GLI2: variants seen among roughly 807,000 people sequenced by gnomAD.
The protein encoded by GLI2 is transcription activator GLI2.
In GLI2, 22 loss-of-function variants were observed where a neutral mutation model predicts 78.9. The ratio of observed to expected loss-of-function variants is 0.28; its 90% CI spans 0.20 to 0.40. The LOEUF (loss-of-function observed/expected upper bound fraction) is 0.40. GLI2 is among the 10% of genes least tolerant of loss of function. GLI2 has a pLI of 1.00. For synonymous variants in GLI2, 974 were observed against 963.7 expected (o/e 1.01, Z -0.20); for missense variants, 2,097 against 2,213.2 (o/e 0.95, Z 1.05).
At chr2:120,937,880 T>C (rs543392592) in intron 3 of GLI2, among the ~76,000 whole-genome samples, 1 of 152,272 alleles carries the variant, frequency 6.6e-6, no homozygotes, top group African/African-American at 2.4e-5. Flanking sequence ...GGAGTTTCTA[T>C]CCAGCCCGCC....
At chr2:120,901,816 T>C (rs764165791) in intron 2 of GLI2, among the ~76,000 whole-genome samples, 15 of 152,298 alleles carry the variant, frequency 9.8e-5, no homozygotes, top group Non-Finnish European at 2.1e-4. Context: ...CTGGAGTAGA[T>C]TAAGGAGGTG....
rs568556294 is a variant in GLI2, at chr2:120,948,440, G to A, written c.255-2803G>A. 2.6e-5 allele frequency among the ~76,000 whole-genome samples: 4 copies of A among 152,246 alleles called. No individual in the cohort carries two copies. The South Asian group carries it at 8.3e-4, about 32-fold the overall frequency. On this transcript the variant is annotated intron_variant, in intron 3 of 13. Transcript: ENST00000361492. ...TGCTTGCGGTGGGAAGGGGGAGGTGGAGTCTACCTTCCCCAAATGGTGGCA... is the reference window on the plus strand; with the variant it reads ...TGCTTGCGGTGGGAAGGGGGAGGTGAAGTCTACCTTCCCCAAATGGTGGCA...
chr2:120,773,927 TTCCTTCCC>T lies in GLI2; in HGVS notation c.-30-23360_-30-23353del, dbSNP rs1443232529. Among the ~76,000 whole-genome samples the T allele has an allele frequency of 3.9e-4, 43 of 109,842 alleles. 1 individual carries two copies. In the South Asian group the frequency reaches 6.0e-3, roughly 15 times the overall value. The allele number at this position is 109,842 out of a possible 152,430, so 72.1% of individuals were successfully genotyped here. On this transcript the variant is annotated intron_variant, in intron 1 of 13. Transcript: ENST00000361492. ...CCTCCTTCCTTCCTTCCTTCCTTCCTTCCTTCCCTCCCTCCCTCCCTCCCTCCTTCCCT... is the reference window on the plus strand; with the variant it reads ...CCTCCTTCCTTCCTTCCTTCCTTCCTTCCCTCCCTCCCTCCCTCCTTCCCT...
chr2:120,818,885 C>T (rs959385475), intron 2 of GLI2, among the ~76,000 whole-genome samples: 2 of 152,210 alleles, frequency 1.3e-5, no homozygotes, highest in Non-Finnish European at 2.9e-5. Flanking sequence ...CCTCCCCCAC[C>T]TTATGCTGAT....
At chr2:120,893,506 C>G (rs1677781984) in intron 2 of GLI2, among the ~76,000 whole-genome samples, 1 of 152,034 alleles carries the variant, frequency 6.6e-6, no homozygotes, top group African/African-American at 2.4e-5. Flanking sequence ...GCTCAGTTCC[C>G]CTATAGAAAA....
rs200274772 is a variant in GLI2, at chr2:120,990,304, G to A, written c.4339G>A (p.Gly1447Arg). The A allele has an allele frequency of 9.4e-5, 151 of 1,613,560 alleles. No homozygotes were observed. Among genetic ancestry groups the A allele is most frequent in the Non-Finnish European group, 1.2e-4 (138 of 1,180,020 alleles). The change falls in exon 14 of 14, where the codon GGG becomes AGG. Residue 1447 changes from glycine (G) to arginine (R), a missense_variant. Around this residue, in one of 5 missense-constraint regions of GLI2, gnomAD observed 1,290 missense variants for 1,261.7 expected, o/e 1.02. Transcript: ENST00000361492. ...ACAGGATGGAGGCCTGGAGAACCTC[G>A]GGAGCTGCCAGGTCATGCGGTCCCA... is the stretch of plus-strand genomic sequence containing the variant. The part of the protein sequence containing the change: ...YEQDGGLENL[G>R]SCQVMRSQPP...
At chr2:120,873,853 G>T (rs62150744) in intron 2 of GLI2, among the ~76,000 whole-genome samples, 169 of 152,264 alleles carry the variant, frequency 1.1e-3, no homozygotes, top group African/African-American at 3.0e-3. Flanking sequence ...TGCAGAGTTC[G>T]TAACGACAGA....
intron 1 of GLI2, among the ~76,000 whole-genome samples, chr2:120,757,443 C>T (rs1448911275): frequency 5.3e-5 from 8 of 152,228 alleles, no homozygotes; most frequent in Non-Finnish European, 1.0e-4. Flanking sequence ...TAAAATCCTT[C>T]AGAGTTCTCT....
chr2:120,840,818 C>T (rs1686833820), intron 2 of GLI2, among the ~76,000 whole-genome samples: 1 of 152,092 alleles, frequency 6.6e-6, no homozygotes, highest in East Asian at 1.9e-4. Flanking sequence ...GTCTCGGATC[C>T]CCCTTCTTGT....
Position 120,879,275 on chromosome 2 carries a change from T to C in GLI2, c.149-48086T>C, listed in dbSNP as rs913937064. 7.9e-5 allele frequency among the ~76,000 whole-genome samples: 12 copies of C among 152,294 alleles called. No homozygotes were observed. The South Asian group carries it at 2.1e-3, about 26-fold the overall frequency. The stretch of plus-strand genomic sequence containing the variant: ...GACAATGGGTGAGATGAAAAAGGGC[T>C]TGGTACTAGTGGAGGCACTTAGTGG... On this transcript the variant is annotated intron_variant, in intron 2 of 13. Transcript: ENST00000361492.
intron 2 of GLI2, among the ~76,000 whole-genome samples, chr2:120,845,357 T>C (rs577565625): frequency 1.3e-5 from 2 of 152,282 alleles, no homozygotes; most frequent in East Asian, 3.9e-4. Context: ...ATGACATGTC[T>C]TGTGGTTGTT....
At chr2:120,947,625 C>A (rs1454087850) in intron 3 of GLI2, among the ~76,000 whole-genome samples, 1 of 152,126 alleles carries the variant, frequency 6.6e-6, no homozygotes, top group African/African-American at 2.4e-5. Context: ...TGGCTTGTTG[C>A]TGAGGAGAGA....
At chr2:120,771,226 G>T (rs1290749314) in intron 1 of GLI2, among the ~76,000 whole-genome samples, 2 of 152,232 alleles carry the variant, frequency 1.3e-5, no homozygotes, top group Non-Finnish European at 2.9e-5. Context: ...GCTCAGGCAG[G>T]ACCCTTCCCT....
chr2:120,947,172 CT>C (rs1343925460), intron 3 of GLI2, among the ~76,000 whole-genome samples: 2 of 152,188 alleles, frequency 1.3e-5, no homozygotes, highest in Non-Finnish European at 2.9e-5. Flanking sequence ...CTGAGCCCTG[CT>C]TACCACCAAC....
At chr2:120,967,229 G>A (rs1003954161) in intron 5 of GLI2, among the ~76,000 whole-genome samples, 5 of 152,244 alleles carry the variant, frequency 3.3e-5, no homozygotes, top group African/African-American at 1.2e-4. Context: ...CTCCATGCAG[G>A]TGTCCAGAAA....
intron 8 of GLI2, among the ~76,000 whole-genome samples, chr2:120,973,574 C>T (rs1284488569): frequency 6.6e-6 from 1 of 152,226 alleles, no homozygotes; most frequent in African/African-American, 2.4e-5. Context: ...CAGGTCTTCT[C>T]AAAGAGTGGA....
intron 10 of GLI2, among the ~76,000 whole-genome samples, chr2:120,981,828 C>T (rs1682730050): frequency 2.6e-5 from 4 of 152,192 alleles, no homozygotes. Flanking sequence ...CTTCCTCTCT[C>T]CCTTGCTCCC....
chr2:120,745,682 G>A (rs1247231716), intron 1 of GLI2, among the ~76,000 whole-genome samples: 2 of 152,188 alleles, frequency 1.3e-5, no homozygotes, highest in Admixed American at 1.3e-4. Context: ...TCATTTGCTT[G>A]ATGCTAATGT....
chr2:120,826,344 G>A (rs1420295652), intron 2 of GLI2, among the ~76,000 whole-genome samples: 1 of 152,214 alleles, frequency 6.6e-6, no homozygotes, highest in Non-Finnish European at 1.5e-5. Context: ...CTCCTGTACT[G>A]CAGGCTCCAG....
Sources: gnomAD v4.1 joint callset for allele counts (sites outside exome capture counted in the v4.1 genomes callset) on GRCh38, gnomAD v4.1.1 for gene constraint, gnomAD v4.1.1 regional missense constraint, MANE v1.5 for transcripts, NCBI Gene and HGNC (gene_info 2026-07-23, HGNC 2026-07-21) for gene names.